Variants in PHACTR1 observed in about 807,000 individuals in gnomAD.
PHACTR1 encodes RPEL repeat containing 1.
A neutral mutation model predicts 69.2 loss-of-function variants in PHACTR1; 16 were observed. The observed-to-expected ratio is 0.23, with a 90% CI of 0.16 to 0.35. The LOEUF is 0.35. Ranked by LOEUF, PHACTR1 falls within the 10% of genes least tolerant of loss-of-function variation. The probability of loss-of-function intolerance (pLI) is 1.00; values close to 1 mark genes in which losing one functional copy is unlikely to be tolerated. For synonymous variants in PHACTR1, 312 were observed against 284.5 expected (o/e 1.10, Z -0.97); for missense variants, 510 against 734.7 (o/e 0.69, Z 3.54).
chr6:12,927,384 T>A (rs948910399), intron 4 of PHACTR1, among the ~76,000 whole-genome samples: 3 of 152,164 alleles, frequency 2.0e-5, no homozygotes, highest in Non-Finnish European at 4.4e-5. Flanking sequence ...CTTGCAAAGA[T>A]GATCAGTTTT....
chr6:12,967,998 G>C (rs1324572859), intron 4 of PHACTR1, among the ~76,000 whole-genome samples: 2 of 152,234 alleles, frequency 1.3e-5, no homozygotes, highest in African/African-American at 4.8e-5. Flanking sequence ...AGAAGCCCTG[G>C]ATACCGAGAT....
chr6:13,279,837 A>G (rs929506367), intron 12 of PHACTR1: 2 of 152,210 alleles, frequency 1.3e-5, no homozygotes, highest in Non-Finnish European at 2.9e-5. Context: ...GGAGAGATGC[A>G]TTAGCTTTTT....
chr6:12,929,876 G>A (rs972208284), intron 4 of PHACTR1, among the ~76,000 whole-genome samples: 2 of 152,080 alleles, frequency 1.3e-5, no homozygotes, highest in Non-Finnish European at 2.9e-5. Context: ...TCCTGCTTGC[G>A]TAACCATTGT....
intron 5 of PHACTR1, among the ~76,000 whole-genome samples, chr6:13,080,926 C>T (rs553887256): frequency 2.0e-5 from 3 of 152,182 alleles, no homozygotes; most frequent in African/African-American, 7.2e-5. Context: ...GAGGAATTTT[C>T]AGGCTAAGCT....
At chr6:12,908,154 A>G (rs951630342) in intron 4 of PHACTR1, among the ~76,000 whole-genome samples, 1 of 152,138 alleles carries the variant, frequency 6.6e-6, no homozygotes, top group Non-Finnish European at 1.5e-5. Flanking sequence ...CCTTCCATCC[A>G]TCAACCAAGA....
chr6:13,200,353 G>A (rs1765042761), intron 7 of PHACTR1, among the ~76,000 whole-genome samples: 1 of 152,092 alleles, frequency 6.6e-6, no homozygotes, highest in South Asian at 2.1e-4. Flanking sequence ...TGGGATTGCA[G>A]GCACGTGCCA....
rs149604412 is a variant in PHACTR1, at chr6:13,188,814, C to T, written c.664+6128C>T. ...CCAACATCAACCATGCAACAGCATGCGATACAGGGCCAGGAGTTGTTGGCA... is the reference window on the plus strand; with the variant it reads ...CCAACATCAACCATGCAACAGCATGTGATACAGGGCCAGGAGTTGTTGGCA... On this transcript the variant is annotated intron_variant, in intron 7 of 14. Coordinates refer to ENST00000332995, the MANE Select transcript of PHACTR1 (RefSeq NM_030948.6). 3.5e-4 allele frequency among the ~76,000 whole-genome samples: 53 copies of T among 152,330 alleles called. No individual in the cohort carries two copies. In the East Asian group the frequency reaches 0.01, roughly 29 times the overall value.
chr6:12,917,767 T>G (rs1392738099), intron 4 of PHACTR1, among the ~76,000 whole-genome samples: 1 of 151,842 alleles, frequency 6.6e-6, no homozygotes, highest in Non-Finnish European at 1.5e-5. Flanking sequence ...TAAATAAAAA[T>G]GAACAAATGA....
intron 8 of PHACTR1, among the ~76,000 whole-genome samples, chr6:13,210,589 G>A (rs80090650): frequency 2.4e-3 from 359 of 152,294 alleles, no homozygotes; most frequent in African/African-American, 8.3e-3. Flanking sequence ...CGTATTAGCT[G>A]TGTGACCCAA....
chr6:13,000,256 G>T (rs1280213718), intron 4 of PHACTR1, among the ~76,000 whole-genome samples: 1 of 152,144 alleles, frequency 6.6e-6, no homozygotes, highest in African/African-American at 2.4e-5. Context: ...AGGTACCAAA[G>T]TTGCCGGATG....
intron 5 of PHACTR1, among the ~76,000 whole-genome samples, chr6:13,131,093 G>C (rs1480221179): frequency 1.3e-5 from 2 of 151,690 alleles, no homozygotes; most frequent in Non-Finnish European, 2.9e-5. Context: ...AAAAGCATTT[G>C]ACAAATTCCA....
intron 4 of PHACTR1, among the ~76,000 whole-genome samples, chr6:12,795,553 G>A (rs1345841537): frequency 1.3e-5 from 2 of 152,158 alleles, no homozygotes; most frequent in Non-Finnish European, 2.9e-5. Flanking sequence ...CTGAAGGTTG[G>A]ATGTATGATT....
chr6:12,757,995 C>A (rs979215882), intron 4 of PHACTR1, among the ~76,000 whole-genome samples: 2 of 152,072 alleles, frequency 1.3e-5, no homozygotes, highest in Non-Finnish European at 2.9e-5. Flanking sequence ...ACCTGCAGTC[C>A]CAGCTCCTCT....
chr6:12,778,228 T>C (rs1214058091), intron 4 of PHACTR1, among the ~76,000 whole-genome samples: 1 of 152,272 alleles, frequency 6.6e-6, no homozygotes, highest in East Asian at 1.9e-4. Flanking sequence ...CTGAGAGCTC[T>C]TGTGAAACCA....
At chr6:13,030,264 G>T (rs188196025) in intron 4 of PHACTR1, among the ~76,000 whole-genome samples, 2 of 152,282 alleles carry the variant, frequency 1.3e-5, no homozygotes, top group Admixed American at 6.5e-5. Flanking sequence ...GAGTTTGAAG[G>T]ATAATAAGGA....
chr6:13,026,776 A>G (rs1801756155), intron 4 of PHACTR1, among the ~76,000 whole-genome samples: 1 of 152,088 alleles, frequency 6.6e-6, no homozygotes, highest in African/African-American at 2.4e-5. Flanking sequence ...CTGGGTGTGC[A>G]TGTCCTCACC....
intron 4 of PHACTR1, among the ~76,000 whole-genome samples, chr6:12,989,239 A>G (rs1169641018): frequency 6.6e-6 from 1 of 152,244 alleles, no homozygotes; most frequent in Non-Finnish European, 1.5e-5. Context: ...TAAAGGCACA[A>G]ATATAAAGAA....
intron 5 of PHACTR1, among the ~76,000 whole-genome samples, chr6:13,087,040 A>G (rs1812431751): frequency 6.6e-6 from 1 of 151,198 alleles, no homozygotes; most frequent in Non-Finnish European, 1.5e-5. Flanking sequence ...CTTATTTGCC[A>G]TTTTTATATC....
intron 5 of PHACTR1, among the ~76,000 whole-genome samples, chr6:13,079,837 A>G (rs1189186530): frequency 6.6e-6 from 1 of 152,156 alleles, no homozygotes; most frequent in Non-Finnish European, 1.5e-5. Flanking sequence ...ATGACCTTGA[A>G]CAAGTGAGTT....
Sources: gnomAD v4.1 joint callset for allele counts (sites outside exome capture counted in the v4.1 genomes callset) on GRCh38, gnomAD v4.1.1 for gene constraint, MANE v1.5 for transcripts, NCBI Gene and HGNC (gene_info 2026-07-23, HGNC 2026-07-21) for gene names.